Variants in CHRM3 observed in about 807,000 individuals in gnomAD.
CHRM3 encodes muscarinic acetylcholine receptor M3.
Under a neutral mutation model 41.8 loss-of-function variants are expected in CHRM3, and 11 were observed. That is an observed-to-expected ratio of 0.26 (90% CI 0.17 to 0.44). The LOEUF (loss-of-function observed/expected upper bound fraction) is 0.44. Ranked by LOEUF, CHRM3 falls within the 20% of genes least tolerant of loss-of-function variation. The probability of loss-of-function intolerance (pLI) is 1.00; values close to 1 mark genes in which losing one functional copy is unlikely to be tolerated. For synonymous variants in CHRM3, 297 were observed against 301.4 expected (o/e 0.99, Z 0.15); for missense variants, 571 against 745.4 (o/e 0.77, Z 2.72).
chr1:239,885,840 CCA>C (rs1454782340), intron 6 of CHRM3, among the ~76,000 whole-genome samples: 1 of 152,144 alleles, frequency 6.6e-6, no homozygotes, highest in Admixed American at 6.5e-5. Flanking sequence ...GGTAATGATC[CCA>C]GGGCACTGGG....
chr1:239,557,328 A>G (rs1304750969), intron 3 of CHRM3, among the ~76,000 whole-genome samples: 1 of 152,182 alleles, frequency 6.6e-6, no homozygotes, highest in Non-Finnish European at 1.5e-5. Context: ...CAACTATGGC[A>G]ATAAATATTT....
In CHRM3 at chr1:239,688,431, A is replaced by G. The variant is rs369517323; in HGVS notation, c.-147+10143A>G. On this transcript the variant is annotated intron_variant, in intron 5 of 6. Transcript: ENST00000676153. ...TATGTATATAAATATATATAAATAT[A>G]TTTACATATCATATTTATAAATATA... 1.3e-4 allele frequency among the ~76,000 whole-genome samples: 18 copies of G among 143,630 alleles called. No homozygotes were observed. The East Asian group carries it at 3.2e-3, about 25-fold the overall frequency. The allele number at this position is 143,630 out of a possible 152,430, so 94.2% of individuals were successfully genotyped here.
At chr1:239,677,110 G>A (rs1193287098) in intron 4 of CHRM3, among the ~76,000 whole-genome samples, 1 of 152,060 alleles carries the variant, frequency 6.6e-6, no homozygotes, top group Non-Finnish European at 1.5e-5. Context: ...CCCCTGCTCT[G>A]TGATGTCACC....
chr1:239,452,305 A>C (rs1664610069), intron 1 of CHRM3, among the ~76,000 whole-genome samples: 1 of 152,344 alleles, frequency 6.6e-6, no homozygotes, highest in South Asian at 2.1e-4. Flanking sequence ...TTAAGCAACT[A>C]ACAGTTACTC....
At chr1:239,875,007 T>G (rs1677000734) in intron 6 of CHRM3, among the ~76,000 whole-genome samples, 1 of 152,176 alleles carries the variant, frequency 6.6e-6, no homozygotes, top group Admixed American at 6.5e-5. Flanking sequence ...CCGCCATTAC[T>G]TTTAAATGGC....
chr1:239,388,171 T>TCC (rs1325821352), intron 1 of CHRM3, among the ~76,000 whole-genome samples: 2 of 152,020 alleles, frequency 1.3e-5, no homozygotes, highest in Non-Finnish European at 2.9e-5. Context: ...ATGCAAACCT[T>TCC]CATTTGTCTG....
intron 2 of CHRM3, among the ~76,000 whole-genome samples, chr1:239,527,923 C>A (rs1262766911): frequency 6.6e-6 from 1 of 150,974 alleles, no homozygotes; most frequent in Non-Finnish European, 1.5e-5. Flanking sequence ...TTTTTTTTTT[C>A]TTTTCACAAC....
At chr1:239,643,640 G>A (rs981401356) in intron 4 of CHRM3, among the ~76,000 whole-genome samples, 1 of 152,158 alleles carries the variant, frequency 6.6e-6, no homozygotes, top group Non-Finnish European at 1.5e-5. Flanking sequence ...TATTCGGGTG[G>A]GAGTGACCCG....
intron 5 of CHRM3, among the ~76,000 whole-genome samples, chr1:239,680,958 G>A (rs1015922490): frequency 1.3e-5 from 2 of 152,102 alleles, no homozygotes; most frequent in African/African-American, 2.4e-5. Context: ...CACATGGCTG[G>A]GGAGGCCTCA....
intron 2 of CHRM3, among the ~76,000 whole-genome samples, chr1:239,523,502 G>T (rs1482158536): frequency 6.6e-6 from 1 of 152,174 alleles, no homozygotes; most frequent in South Asian, 2.1e-4. Context: ...ATCAGTGACA[G>T]ATGTGGTTTA....
At chr1:239,616,986 A>G (rs952771539) in intron 3 of CHRM3, among the ~76,000 whole-genome samples, 3 of 151,980 alleles carry the variant, frequency 2.0e-5, no homozygotes, top group African/African-American at 7.3e-5. Context: ...GAGCACATTC[A>G]GTTTTTAGCT....
chr1:239,542,885 C>G (rs1658913951), intron 2 of CHRM3, among the ~76,000 whole-genome samples: 1 of 152,200 alleles, frequency 6.6e-6, no homozygotes, highest in Admixed American at 6.5e-5. Context: ...GTAAATGCCA[C>G]CTCTCCATGG....
chr1:239,503,493 T>A (rs934893672), intron 2 of CHRM3, among the ~76,000 whole-genome samples: 1 of 151,952 alleles, frequency 6.6e-6, no homozygotes, highest in Non-Finnish European at 1.5e-5. Context: ...CCAAAAGCAG[T>A]CTACAAGTTC....
chr1:239,596,012 C>A (rs1664733813), intron 3 of CHRM3, among the ~76,000 whole-genome samples: 1 of 152,040 alleles, frequency 6.6e-6, no homozygotes. Context: ...CAAAGCAAAA[C>A]AAAATCCACT....
At chr1:239,471,275 TAACTG>T (rs1347406664) in intron 1 of CHRM3, among the ~76,000 whole-genome samples, 1 of 151,924 alleles carries the variant, frequency 6.6e-6, no homozygotes, top group Non-Finnish European at 1.5e-5. Context: ...GCCTGGAACT[TAACTG>T]AGCTAGAGGA....
intron 1 of CHRM3, among the ~76,000 whole-genome samples, chr1:239,412,284 T>C (rs527275764): frequency 8.6e-4 from 100 of 116,656 alleles, no homozygotes; most frequent in Admixed American, 1.4e-3. Context: ...TTCCTTCCTC[T>C]CTCACTTTCT....
chr1:239,613,366 A>G (rs1667275226), intron 3 of CHRM3, among the ~76,000 whole-genome samples: 1 of 152,236 alleles, frequency 6.6e-6, no homozygotes. Flanking sequence ...AAACTGCAAT[A>G]TGTGATTTCT....
At chr1:239,425,836 G>A (rs1022742755) in intron 1 of CHRM3, among the ~76,000 whole-genome samples, 7 of 151,970 alleles carry the variant, frequency 4.6e-5, no homozygotes, top group African/African-American at 1.5e-4. Context: ...TCATTGTGTC[G>A]TTTCAGAAAT....
chr1:239,592,881 G>A (rs1664337675), intron 3 of CHRM3, among the ~76,000 whole-genome samples: 1 of 151,876 alleles, frequency 6.6e-6, no homozygotes, highest in Non-Finnish European at 1.5e-5. Flanking sequence ...GCTCTCTGTG[G>A]TTTCACACTT....
Sources: allele counts gnomAD v4.1 joint callset (sites outside exome capture counted in the v4.1 genomes callset), GRCh38; gene constraint gnomAD v4.1.1; transcripts MANE v1.5; gene names NCBI Gene and HGNC (gene_info 2026-07-23, HGNC 2026-07-21).